Variants in TRIM68 observed in about 807,000 individuals in gnomAD.
The protein encoded by TRIM68 is E3 ubiquitin-protein ligase TRIM68.
In TRIM68, 36 loss-of-function variants were observed where a neutral mutation model predicts 41.9. The observed-to-expected ratio is 0.86, with a 90% CI of 0.66 to 1.14. TRIM68 has a LOEUF of 1.14. Ranked by LOEUF, TRIM68 falls within the 50% of genes most tolerant of loss-of-function variation. The probability of loss-of-function intolerance (pLI) is 0.00; values close to 1 mark genes in which losing one functional copy is unlikely to be tolerated. For synonymous variants in TRIM68, 225 were observed against 224.6 expected (o/e 1.00, Z -0.02); for missense variants, 632 against 605.1 (o/e 1.04, Z -0.47).
chr11:4,605,884 C>T (rs1302506525), intron 1 of TRIM68, among the ~76,000 whole-genome samples: 1 of 152,178 alleles, frequency 6.6e-6, no homozygotes, highest in African/African-American at 2.4e-5. Context: ...TACAAATCAG[C>T]ATTATTTCTC....
chr11:4,605,022 A>G (rs778609596), intron 2 of TRIM68, 57 bp downstream of exon 2: 32 of 1,579,526 alleles, frequency 2.0e-5, no homozygotes, highest in Non-Finnish European at 2.7e-5. Context: ...CCCTTGATCT[A>G]GAAACAGCCA....
chr11:4,607,777 T>C (rs1846589740), intron 1 of TRIM68, among the ~76,000 whole-genome samples: 1 of 152,264 alleles, frequency 6.6e-6, no homozygotes, highest in African/African-American at 2.4e-5. Context: ...GTTCGGTTGC[T>C]TTGACTGTGC....
At chr11:4,600,873 A>T (rs1846478375) in intron 6 of TRIM68, 47 bp from the exon 7 acceptor site, 1 of 1,587,892 alleles carries the variant, frequency 6.3e-7, no homozygotes, top group African/African-American at 1.3e-5. Context: ...GGGCCAGGGG[A>T]CATGGGTGAG....
chr11:4,602,061 G>A, intron 4 of TRIM68, 91 bp downstream of exon 4: 1 of 1,556,100 alleles, frequency 6.4e-7, no homozygotes, highest in Non-Finnish European at 8.8e-7. Context: ...AGGGCTGGCA[G>A]TCCCTACTGA....
At chr11:4,605,647 G>T in intron 1 of TRIM68, 86 bp from the exon 2 acceptor site, 1 of 840,962 alleles carries the variant, frequency 1.2e-6, no homozygotes, top group South Asian at 1.9e-5. Context: ...AATTTCTGGG[G>T]GAAAACCACC....
chr11:4,607,355 T>C (rs1226669078), intron 1 of TRIM68, among the ~76,000 whole-genome samples: 1 of 152,228 alleles, frequency 6.6e-6, no homozygotes, highest in East Asian at 1.9e-4. Context: ...AATGTAAATG[T>C]TGAGTTCCAA....
At position 4,601,644 on chromosome 11, in the gene TRIM68, C is replaced by T; in HGVS notation, c.806+20G>A. The T allele has an allele frequency of 6.2e-7, 1 of 1,613,954 alleles. No homozygotes were observed. On this transcript the variant is annotated intron_variant, in intron 5 of 6. Transcript: ENST00000300747. ...TATCCCCTACAGGGCTGCTTAGAGG[C>T]TCCAAGGGTGAGAACATACCTGTTT...
At chr11:4,601,230 C>T (rs1846485502) in intron 5 of TRIM68, 103 bp from the exon 6 acceptor site, 1 of 878,040 alleles carries the variant, frequency 1.1e-6, no homozygotes, top group Non-Finnish European at 1.9e-6. Flanking sequence ...ATAGTGAACC[C>T]CAGCAAAGCA....
At position 4,605,451 on chromosome 11, in the gene TRIM68, G is replaced by A; in HGVS notation, c.54C>T (p.Ile18=). ...EAIVEEVACP[I]CMTFLREPMS... ...TGGGCTCCCTCAGGAAGGTCATACA[G>A]ATGGGACAGGCCACTTCTTCCACAA... is the stretch of plus-strand genomic sequence containing the variant. Residue 18 remains isoleucine, a synonymous_variant, in exon 2 of 7, where the codon ATC becomes ATT. Coordinates refer to ENST00000300747, the MANE Select transcript of TRIM68 (RefSeq NM_018073.8). 6.2e-7 allele frequency: 1 copy of A among 1,614,094 alleles called. No homozygotes were observed. Among genetic ancestry groups the A allele is most frequent in the Non-Finnish European group, 8.5e-7 (1 of 1,179,970 alleles).
chr11:4,604,177 T>C (rs753611517), intron 2 of TRIM68, among the ~76,000 whole-genome samples: 20 of 152,234 alleles, frequency 1.3e-4, no homozygotes, highest in Non-Finnish European at 2.8e-4. Flanking sequence ...GTAAATACTT[T>C]TCATATTTTA....
Position 4,603,248 on chromosome 11 carries a change from C to T in TRIM68, c.519G>A (p.Trp173Ter). The T allele has an allele frequency of 6.2e-7, 1 of 1,614,152 alleles. No homozygotes were observed. Among genetic ancestry groups the T allele is most frequent in the Non-Finnish European group, 8.5e-7 (1 of 1,179,964 alleles). Residue 173 changes from tryptophan to a stop codon, truncating the protein, a stop_gained, in exon 3 of 7, where the codon TGG becomes TGA. Transcript: ENST00000300747. LOFTEE classifies it high-confidence loss of function. ...CTTTCCCCACGAGGCAACCTGCCTT[C>T]CAGGTGGCAGTTCGTTTCCTTTCAC... ...EVGERKRTAT[W>*]KIQVETRKQS...
chr11:4,599,008 A>T lies in TRIM68; in HGVS notation c.*1268T>A, dbSNP rs2133195248. ...AGGCAGGACAATCATATGAGGTTTT[A>T]TGCTGAATTACACCCATTTTCCCAA... is the stretch of plus-strand genomic sequence containing the variant. On this transcript the variant is annotated 3_prime_UTR_variant, in exon 7 of 7. Transcript: ENST00000300747. 1 of 152,306 alleles carries T rather than the reference A, an allele frequency of 6.6e-6. No individual in the cohort carries two copies. The highest frequency in any genetic ancestry group is 6.5e-5 in the Admixed American group (1 of 15,302). 9.4% of individuals were successfully genotyped at this position (152,306 alleles called of 1,614,324 possible). A position where few individuals can be genotyped will look rare whatever the true frequency, so the allele number is the denominator to read the frequency against.
chr11:4,602,396 C>A lies in TRIM68; in HGVS notation c.539G>T (p.Arg180Leu). 1 of 1,613,558 alleles carries A rather than the reference C, an allele frequency of 6.2e-7. No homozygotes were observed. The highest frequency in any genetic ancestry group is 8.5e-7 in the Non-Finnish European group (1 of 1,179,940). Residue 180 changes from arginine (R) to leucine (L), a missense_variant, in exon 4 of 7, where the codon CGA (arginine) becomes CTA (leucine). Transcript: ENST00000300747. The stretch of plus-strand genomic sequence containing the variant: ...AAACTCCCATACAATACTCTGTTTT[C>A]GGGTTTCCACCTGTATCTGTGGAGC... ...TATWKIQVET[R>L]KQSIVWEFEK...
At chr11:4,604,952 G>A in intron 2 of TRIM68, 127 bp downstream of exon 2, 1 of 978,508 alleles carries the variant, frequency 1.0e-6, no homozygotes. Context: ...AGATTCCAGG[G>A]ATCTCTGGGT....
In TRIM68 at chr11:4,608,100, T is replaced by TG. The variant is rs1161951282; in HGVS notation, c.-132dup. The TG allele has an allele frequency of 2.6e-5, 4 of 152,352 alleles. No homozygotes were observed. The highest frequency in any genetic ancestry group is 9.6e-5 in the African/African-American group (4 of 41,484). The allele number at this position is 152,352 out of a possible 1,614,324, so 9.4% of individuals were successfully genotyped here. A position where few individuals can be genotyped will look rare whatever the true frequency, so the allele number is the denominator to read the frequency against. On this transcript the variant is annotated 5_prime_UTR_variant, in exon 1 of 7. Transcript: ENST00000300747. ...AGAAGCCTGGTTCCGCAGCGTCCAA[T>TG]GGCCCAGCGTCAGAAGCTGCCGTTC...
Position 4,605,108 on chromosome 11 carries a change from G to C in TRIM68, c.397C>G (p.Pro133Ala), listed in dbSNP as rs1268197025. The C allele has an allele frequency of 6.2e-7, 1 of 1,613,986 alleles. No homozygotes were observed. The highest frequency in any genetic ancestry group is 1.3e-5 in the African/African-American group (1 of 74,924). ...TACTCCCAGGCAACATCCTCCATTG[G>C]CACAACACTGTGGGCCTCATGCTCT... The part of the protein sequence containing the change: ...SPEHEAHSVV[P>A]MEDVAWEYKW... Residue 133 changes from proline to alanine, a missense_variant, in exon 2 of 7, where the codon CCA (proline) becomes GCA (alanine). By Grantham distance (27) the Pro-to-Ala change is conservative (BLOSUM62 -1). Transcript: ENST00000300747.
At chr11:4,602,964 C>T (rs143806678) in intron 3 of TRIM68, among the ~76,000 whole-genome samples, 2,228 of 152,268 alleles carry the variant, frequency 0.015, 41 homozygotes, top group African/African-American at 0.048. Flanking sequence ...TGATATAAGC[C>T]ATGCCACTGT....
Position 4,600,294 on chromosome 11 carries a change from G to A in TRIM68, c.1440C>T (p.Ser480=). Residue 480 remains serine, a synonymous_variant, in exon 7 of 7, where the codon TCC becomes TCT. Transcript: ENST00000300747. ...TNNTAPLAIC[S]LDGED ...AGCTTTCTTAGTCCTCCCCATCCAG[G>A]GAGCAGATGGCCAGAGGAGCAGTGT... 1 of 1,583,824 alleles carries A rather than the reference G, an allele frequency of 6.3e-7. No individual in the cohort carries two copies. The highest frequency in any genetic ancestry group is 1.3e-5 in the African/African-American group (1 of 74,222).
At chr11:4,607,124 G>C (rs1415765539) in intron 1 of TRIM68, among the ~76,000 whole-genome samples, 8 of 152,126 alleles carry the variant, frequency 5.3e-5, no homozygotes, top group East Asian at 1.9e-4. Flanking sequence ...CAAACCCCTC[G>C]TCCATTCAAT....
Sources: gnomAD v4.1 joint callset for allele counts (sites outside exome capture counted in the v4.1 genomes callset) on GRCh38, gnomAD v4.1.1 for gene constraint, MANE v1.5 for transcripts, NCBI Gene and HGNC (gene_info 2026-07-23, HGNC 2026-07-21) for gene names.